RNF149: variants seen among roughly 807,000 people sequenced by gnomAD.
RNF149 encodes ring finger protein 149.
In RNF149, 21 loss-of-function variants were observed where a neutral mutation model predicts 39.0. The ratio of observed to expected loss-of-function variants is 0.54; its 90% CI spans 0.38 to 0.77. RNF149 has a LOEUF of 0.77. Ranked by LOEUF, RNF149 falls within the 30% of genes least tolerant of loss-of-function variation. The pLI, the probability that RNF149 is intolerant of heterozygous loss-of-function variation, is 0.00. For missense variants in RNF149, 493 were observed against 534.9 expected, an observed-to-expected ratio of 0.92 and a Z score of 0.77; for synonymous variants, 209 against 213.6, an observed-to-expected ratio of 0.98 and a Z score of 0.19.
At chr2:101,295,562 G>C (rs1480045457) in intron 1 of RNF149, among the ~76,000 whole-genome samples, 1 of 151,668 alleles carries the variant, frequency 6.6e-6, no homozygotes, top group Non-Finnish European at 1.5e-5. Context: ...TTGGGAGGCT[G>C]CAGCAGGAGA....
At chr2:101,273,180 G>A, downstream of RNF149, 2 of 1,262,620 alleles carry the variant, frequency 1.6e-6, no homozygotes, top group Non-Finnish European at 2.1e-6. Context: ...TTTCTGCTGG[G>A]AAACCCAGAA....
chr2:101,284,405 C>G (rs1393617829), intron 5 of RNF149, among the ~76,000 whole-genome samples: 1 of 151,912 alleles, frequency 6.6e-6, no homozygotes. Context: ...TGTGGTAAAA[C>G]CCTATCTCTA....
intron 3 of RNF149, among the ~76,000 whole-genome samples, chr2:101,290,438 A>G (rs1682963673): frequency 6.6e-6 from 1 of 152,204 alleles, no homozygotes; most frequent in Admixed American, 6.5e-5. Flanking sequence ...TTTAAATACT[A>G]AGCAAGTGTT....
In RNF149 at chr2:101,277,277, G is replaced by C; in HGVS notation, c.1164C>G (p.Ala388=). The C allele has an allele frequency of 6.2e-7, 1 of 1,612,734 alleles. No individual in the cohort carries two copies. The highest frequency in any genetic ancestry group is 8.5e-7 in the Non-Finnish European group (1 of 1,179,322). The part of the protein sequence containing the change: ...DAGENTALLE[A]GRSDSRHGGP... ...CTCCATGCCGAGAGTCACTCCTGCC[G>C]GCTTCTGCAAGAGAGCAACATAAGC... Residue 388 remains alanine, a synonymous_variant, in exon 7 of 7, where the codon GCC becomes GCG. Transcript: ENST00000295317.
At chr2:101,288,021 A>G (rs1025656749) in intron 4 of RNF149, among the ~76,000 whole-genome samples, 5 of 152,086 alleles carry the variant, frequency 3.3e-5, no homozygotes, top group Admixed American at 6.5e-5. Flanking sequence ...TTTTGGAGAC[A>G]GAGTCTTGCC....
At chr2:101,293,106 T>A (rs1049924468) in intron 3 of RNF149, among the ~76,000 whole-genome samples, 3 of 151,470 alleles carry the variant, frequency 2.0e-5, no homozygotes, top group African/African-American at 7.3e-5. Flanking sequence ...CCAATACAAT[T>A]CTCAAAGTCT....
intron 1 of RNF149, among the ~76,000 whole-genome samples, chr2:101,304,877 G>A (rs549028314): frequency 8.2e-6 from 1 of 121,216 alleles, no homozygotes; most frequent in Non-Finnish European, 1.6e-5. Flanking sequence ...GTCTCACTCT[G>A]TCACCCAGGC....
chr2:101,273,191 C>T (rs1162258866), downstream of RNF149: 6 of 1,202,182 alleles, frequency 5.0e-6, no homozygotes, highest in Non-Finnish European at 5.6e-6. Flanking sequence ...AAACCCAGAA[C>T]GCCAGTCCAG....
chr2:101,299,849 A>G (rs1028565834), intron 1 of RNF149, among the ~76,000 whole-genome samples: 1 of 152,190 alleles, frequency 6.6e-6, no homozygotes, highest in East Asian at 1.9e-4. Flanking sequence ...AATGTCACAC[A>G]CCACCTGAAA....
intron 1 of RNF149, among the ~76,000 whole-genome samples, chr2:101,297,082 G>A (rs944877468): frequency 3.3e-5 from 5 of 152,050 alleles, no homozygotes; most frequent in Admixed American, 2.0e-4. Context: ...GGTGGTGGGC[G>A]TCTGTAATCC....
downstream of RNF149, among the ~76,000 whole-genome samples, chr2:101,273,996 A>G (rs917210165): frequency 9.9e-5 from 15 of 152,162 alleles, no homozygotes; most frequent in African/African-American, 3.6e-4. Flanking sequence ...GCTGATTAAG[A>G]AATCACACTT....
chr2:101,289,385 T>C (rs753273166), intron 3 of RNF149, among the ~76,000 whole-genome samples: 1 of 152,162 alleles, frequency 6.6e-6, no homozygotes, highest in Non-Finnish European at 1.5e-5. Flanking sequence ...TTATTTATTA[T>C]TGTTTTATTT....
At chr2:101,302,147 A>C (rs752451208) in intron 1 of RNF149, among the ~76,000 whole-genome samples, 13 of 152,138 alleles carry the variant, frequency 8.5e-5, no homozygotes, top group Non-Finnish European at 1.8e-4. Context: ...CACACCTACT[A>C]TAATTTATTT....
chr2:101,275,122 T>TTG (rs1159128563), downstream of RNF149, among the ~76,000 whole-genome samples: 3 of 123,736 alleles, frequency 2.4e-5, no homozygotes, highest in Non-Finnish European at 5.1e-5. Flanking sequence ...TTTTTTTTTT[T>TTG]TTTTTTTTTT....
intron 1 of RNF149, among the ~76,000 whole-genome samples, chr2:101,304,397 A>AAAAAC (rs930310729): frequency 1.8e-4 from 27 of 152,282 alleles, no homozygotes; most frequent in Middle Eastern, 6.8e-3. Flanking sequence ...ACCTTGCCTC[A>AAAAAC]AAAACAAAAC....
chr2:101,308,642 C>T lies in RNF149; in HGVS notation c.-54G>A. 7.1e-7 allele frequency: 1 copy of T among 1,418,376 alleles called. No individual in the cohort carries two copies. Among genetic ancestry groups the T allele is most frequent in the Non-Finnish European group, 9.2e-7 (1 of 1,082,640 alleles). The allele number at this position is 1,418,376 out of a possible 1,614,324, so 87.9% of individuals were successfully genotyped here. On this transcript the variant is annotated 5_prime_UTR_variant, in exon 1 of 7. Transcript: ENST00000295317. ...GTCAGGGTCACGCGCGAGTGCGGTG[C>T]AGTCGAAGAGCAGAGAGAAGCGGAC...
At chr2:101,280,889 C>T (rs965424228) in intron 6 of RNF149, among the ~76,000 whole-genome samples, 2 of 152,128 alleles carry the variant, frequency 1.3e-5, no homozygotes, top group Non-Finnish European at 2.9e-5. Context: ...AAAAAGTTAG[C>T]TAGATGTGGT....
At chr2:101,287,602 G>A (rs1682844250) in intron 4 of RNF149, among the ~76,000 whole-genome samples, 1 of 152,164 alleles carries the variant, frequency 6.6e-6, no homozygotes, top group African/African-American at 2.4e-5. Context: ...AAACCAGTCT[G>A]GAGTAAAAAC....
intron 1 of RNF149, chr2:101,307,751 G>A (rs1175636862): frequency 1.1e-6 from 1 of 905,030 alleles, no homozygotes; most frequent in Non-Finnish European, 1.3e-6. Context: ...CGCGCTGGGG[G>A]AAGAGTTTGG....
Sources: allele counts gnomAD v4.1 joint callset (sites outside exome capture counted in the v4.1 genomes callset), GRCh38; gene constraint gnomAD v4.1.1; transcripts MANE v1.5; gene names NCBI Gene and HGNC (gene_info 2026-07-23, HGNC 2026-07-21).